PARVB: variants seen among roughly 807,000 people sequenced by gnomAD.
PARVB encodes the protein beta-parvin.
A neutral mutation model predicts 47.0 loss-of-function variants in PARVB; 46 were observed. The ratio of observed to expected loss-of-function variants is 0.98; its 90% CI spans 0.77 to 1.25. PARVB has a LOEUF of 1.25. PARVB is among the 50% of genes most tolerant of loss of function. The pLI is 0.00. For missense variants in PARVB, 473 were observed against 471.6 expected, an observed-to-expected ratio of 1.00 and a Z score of -0.03; for synonymous variants, 196 against 196.3, an observed-to-expected ratio of 1.00 and a Z score of 0.01.
chr22:43,999,848 A>AAC (rs1569041505), intron 2 of PARVB, among the ~76,000 whole-genome samples: 43 of 122,178 alleles, frequency 3.5e-4, no homozygotes, highest in Non-Finnish European at 5.3e-4. Context: ...AAAAAAAAAA[A>AAC]AAAAAAAAAA....
intron 8 of PARVB, chr22:44,141,794 T>G (rs1156967491): frequency 6.6e-6 from 1 of 152,358 alleles, no homozygotes; most frequent in Non-Finnish European, 1.5e-5. Context: ...GCCTTCTCTG[T>G]TTTTTGTTTG....
intron 12 of PARVB, among the ~76,000 whole-genome samples, chr22:44,164,411 C>CCCT (rs71864264): frequency 6.3e-5 from 9 of 142,884 alleles, no homozygotes; most frequent in Non-Finnish European, 1.3e-4. Flanking sequence ...CTTCCCTGTC[C>CCCT]CCCCCCCGGC....
chr22:44,132,931 G>C lies in PARVB; in HGVS notation c.555G>C (p.Leu185=), dbSNP rs1046561959. Reference sequence around the variant, plus strand: ...AGAACCTGGTGGCCATCCTCCACCTGCTGGTCTCTCTGGCCATGCACTTCA... The same window carrying C: ...AGAACCTGGTGGCCATCCTCCACCTCCTGGTCTCTCTGGCCATGCACTTCA... ...HGKNLVAILH[L]LVSLAMHFRA... Residue 185 remains leucine, a synonymous_variant, in exon 6 of 13, where the codon CTG becomes CTC. Coordinates refer to ENST00000338758, the MANE Select transcript of PARVB (RefSeq NM_013327.5). 6.2e-7 allele frequency: 1 copy of C among 1,614,018 alleles called. No individual in the cohort carries two copies. Among genetic ancestry groups the C allele is most frequent in the Non-Finnish European group, 8.5e-7 (1 of 1,179,936 alleles).
intron 3 of PARVB, among the ~76,000 whole-genome samples, chr22:44,117,663 G>A (rs575003741): frequency 6.6e-6 from 1 of 152,290 alleles, no homozygotes; most frequent in African/African-American, 2.4e-5. Context: ...TTATGTTACT[G>A]GGAAAATAGA....
At chr22:44,135,479 A>T (rs2053424070) in intron 6 of PARVB, among the ~76,000 whole-genome samples, 1 of 152,138 alleles carries the variant, frequency 6.6e-6, no homozygotes, top group Admixed American at 6.5e-5. Context: ...GAATGGTCTC[A>T]ATCTCTTGAT....
rs370430259 is a variant in PARVB at position 44,147,847 on chromosome 22, T to C, written c.713-14T>C. On this transcript the variant is annotated splice_polypyrimidine_tract_variant and intron_variant, in intron 8 of 12. Coordinates refer to ENST00000338758, the MANE Select transcript of PARVB (RefSeq NM_013327.5). ...CATAAACGCTCCTTCGTGTCTCTCT[T>C]TGCATGTCCTCAGAGCGGGATGCCT... The C allele has an allele frequency of 1.4e-5, 23 of 1,613,172 alleles. No homozygotes were observed. In the African/African-American group the frequency reaches 3.1e-4, roughly 22 times the overall value.
intron 4 of PARVB, chr22:44,119,651 C>T (rs538057576): frequency 2.6e-5 from 11 of 427,796 alleles, no homozygotes; most frequent in African/African-American, 1.6e-4. Context: ...GCAGACAAAC[C>T]GGTTGTTTAT....
Position 44,140,277 on chromosome 22 carries a change from C to T in PARVB, c.712+134C>T, listed in dbSNP as rs1384401995. 3 of 921,334 alleles carry T rather than the reference C, an allele frequency of 3.3e-6. No homozygotes were observed. The Admixed American group carries it at 5.3e-5, about 16-fold the overall frequency. 57.1% of individuals were successfully genotyped at this position (921,334 alleles called of 1,614,324 possible). ...CTCACTGCCCCCATAGTTCTGGAAT[C>T]CTAGAGAAAGTGCACAGCCCACCCC... On this transcript the variant is annotated intron_variant, in intron 8 of 12. Coordinates refer to ENST00000338758, the MANE Select transcript of PARVB (RefSeq NM_013327.5).
chr22:44,008,014 A>T (rs932763025), intron 2 of PARVB, among the ~76,000 whole-genome samples: 1 of 152,176 alleles, frequency 6.6e-6, no homozygotes, highest in Non-Finnish European at 1.5e-5. Flanking sequence ...GTATATACGC[A>T]TGCATACACC....
In PARVB at chr22:44,131,424, G is replaced by A. The variant is rs555264919; in HGVS notation, c.377-63G>A. 525 of 1,574,954 alleles carry A rather than the reference G, an allele frequency of 3.3e-4. 7 individuals carry two copies. The South Asian group carries it at 5.8e-3, about 17-fold the overall frequency. ...CTCAAACTGCTGGGATTACAGGCATGAGCCACTGCGCCTGGCCCTTCCAGC... is the reference window on the plus strand; with the variant it reads ...CTCAAACTGCTGGGATTACAGGCATAAGCCACTGCGCCTGGCCCTTCCAGC... On this transcript the variant is annotated intron_variant, in intron 4 of 12. Transcript: ENST00000338758.
chr22:44,072,956 C>T (rs1216725238), intron 1 of PARVB, among the ~76,000 whole-genome samples: 2 of 152,212 alleles, frequency 1.3e-5, no homozygotes, highest in South Asian at 2.1e-4. Flanking sequence ...CCTCCTGAGC[C>T]CCCAGCCTTC....
chr22:44,042,164 G>A (rs955010762), intron 1 of PARVB, among the ~76,000 whole-genome samples: 4 of 152,192 alleles, frequency 2.6e-5, no homozygotes, highest in African/African-American at 9.7e-5. Flanking sequence ...GCTCATGCCT[G>A]TAATCCCAGC....
chr22:44,053,507 G>A (rs1402998904), intron 1 of PARVB, among the ~76,000 whole-genome samples: 1 of 152,188 alleles, frequency 6.6e-6, no homozygotes, highest in African/African-American at 2.4e-5. Flanking sequence ...GGGGATGCCT[G>A]GGAAAGCCCA....
chr22:44,084,930 T>G (rs1368231477), intron 1 of PARVB, among the ~76,000 whole-genome samples: 1 of 152,242 alleles, frequency 6.6e-6, no homozygotes, highest in Non-Finnish European at 1.5e-5. Flanking sequence ...TGTAGCTTTA[T>G]TTTTATTTCA....
At chr22:44,143,353 C>T (rs1241638159) in intron 8 of PARVB, 2 of 152,262 alleles carry the variant, frequency 1.3e-5, no homozygotes, top group East Asian at 1.9e-4. Context: ...ACAGCCCCTG[C>T]CTTTCTCCTT....
Position 44,004,657 on chromosome 22 carries a change from AG to A in PARVB, c.211+4985del, listed in dbSNP as rs1603421708. Among the ~76,000 whole-genome samples, 5 of 152,358 alleles carry A rather than the reference AG, an allele frequency of 3.3e-5. No homozygotes were observed. In the East Asian group the frequency reaches 9.6e-4, roughly 29 times the overall value. On this transcript the variant is annotated intron_variant, in intron 2 of 13. Transcript: ENST00000406477. ...CTGTAACTTGCTTCCCGCCTCACGT[AG>A]TTCCTGCCTTAAGATGTTTACAAGT...
chr22:44,016,338 C>T (rs565273076), intron 2 of PARVB, among the ~76,000 whole-genome samples: 43 of 152,008 alleles, frequency 2.8e-4, no homozygotes, highest in South Asian at 2.7e-3. Context: ...CTTCGTGATC[C>T]GCCCGCCTCA....
intron 1 of PARVB, among the ~76,000 whole-genome samples, chr22:44,077,946 C>T (rs975098056): frequency 6.6e-6 from 1 of 152,142 alleles, no homozygotes; most frequent in African/African-American, 2.4e-5. Context: ...GATCCGCCCA[C>T]CTCAGCCTCC....
chr22:44,098,539 G>A (rs5764088), intron 2 of PARVB, among the ~76,000 whole-genome samples: 59,654 of 151,864 alleles, frequency 0.39, 12,144 homozygotes, highest in East Asian at 0.66. Flanking sequence ...AGGAGGGCAG[G>A]AAATGAGGCG....
Sources: allele counts gnomAD v4.1 joint callset (sites outside exome capture counted in the v4.1 genomes callset), GRCh38; gene constraint gnomAD v4.1.1; transcripts MANE v1.5; gene names NCBI Gene and HGNC (gene_info 2026-07-23, HGNC 2026-07-21).